G2E3: variants seen among roughly 807,000 people sequenced by gnomAD.
The protein encoded by G2E3 is G2/M phase-specific E3 ubiquitin-protein ligase.
Under a neutral mutation model 92.8 loss-of-function variants are expected in G2E3, and 35 were observed. The observed-to-expected ratio is 0.38, with a 90% CI of 0.29 to 0.50. G2E3 has a LOEUF of 0.50. G2E3 is among the 20% of genes least tolerant of loss of function. The pLI is 0.94. For synonymous variants in G2E3, 242 were observed against 272.4 expected (o/e 0.89, Z 1.10); for missense variants, 554 against 823.8 (o/e 0.67, Z 4.01).
chr14:30,560,066 A>C lies in G2E3; in HGVS notation c.-5+794A>C, dbSNP rs1024051152. On this transcript the variant is annotated intron_variant, in intron 1 of 14. Coordinates refer to ENST00000206595, the MANE Select transcript of G2E3 (RefSeq NM_017769.5). ...TATGGAGTCTTTTTGGAAGTAATCC[A>C]CTAATGCTTTGAGCATCTGTTTCTT... is the stretch of plus-strand genomic sequence containing the variant. 4 of 149,848 alleles carry C rather than the reference A, an allele frequency of 2.7e-5. No homozygotes were observed. The East Asian group carries it at 7.9e-4, about 30-fold the overall frequency. 9.3% of individuals were successfully genotyped at this position (149,848 alleles called of 1,614,324 possible). A position where few individuals can be genotyped will look rare whatever the true frequency, so the allele number is the denominator to read the frequency against.
intron 1 of G2E3, among the ~76,000 whole-genome samples, chr14:30,566,205 C>T (rs978146876): frequency 6.6e-6 from 1 of 152,154 alleles, no homozygotes; most frequent in Non-Finnish European, 1.5e-5. Context: ...AATCCTCCAA[C>T]TTTTTCTTTT....
In G2E3 at chr14:30,619,003, A is replaced by T. The variant is rs958986572; in HGVS notation, c.*2469A>T. On this transcript the variant is annotated 3_prime_UTR_variant, in exon 15 of 15. Coordinates refer to ENST00000206595, the MANE Select transcript of G2E3 (RefSeq NM_017769.5). ...GTTGAGGAAAACTATAAATTGATCT[A>T]TAATGCATCTACTGTTAATGGTTTT... The T allele has an allele frequency of 6.6e-6, 1 of 152,104 alleles. No homozygotes were observed. Among genetic ancestry groups the T allele is most frequent in the Non-Finnish European group, 1.5e-5 (1 of 67,944 alleles). The allele number at this position is 152,104 out of a possible 1,614,324, so 9.4% of individuals were successfully genotyped here.
intron 2 of G2E3, among the ~76,000 whole-genome samples, chr14:30,583,301 C>G (rs1468964645): frequency 6.6e-6 from 1 of 152,080 alleles, no homozygotes; most frequent in African/African-American, 2.4e-5. Context: ...TATGTCATAT[C>G]CTGTTAATTA....
intron 1 of G2E3, among the ~76,000 whole-genome samples, chr14:30,579,870 C>T (rs1159256048): frequency 6.6e-6 from 1 of 152,170 alleles, no homozygotes; most frequent in Non-Finnish European, 1.5e-5. Flanking sequence ...AGAGATTGCA[C>T]ATACATTGTA....
At chr14:30,615,611 T>C in intron 14 of G2E3, 72 bp downstream of exon 14, 1 of 953,366 alleles carries the variant, frequency 1.0e-6, no homozygotes. Context: ...GGGGGTTTTA[T>C]TTGTGTATGT....
At chr14:30,567,347 G>C (rs1419620257) in intron 1 of G2E3, among the ~76,000 whole-genome samples, 1 of 152,072 alleles carries the variant, frequency 6.6e-6, no homozygotes, top group Non-Finnish European at 1.5e-5. Flanking sequence ...TCTCTTGTTT[G>C]TAGATTTGTT....
At chr14:30,586,968 T>C (rs8005237) in intron 3 of G2E3, among the ~76,000 whole-genome samples, 153 bp downstream of exon 3, 12,473 of 152,240 alleles carry the variant, frequency 0.082, 1,684 homozygotes, top group African/African-American at 0.28. Context: ...TTTTTTGATA[T>C]TGAATTCTAA....
At chr14:30,561,466 CAG>C (rs1879094351) in intron 1 of G2E3, among the ~76,000 whole-genome samples, 1 of 152,176 alleles carries the variant, frequency 6.6e-6, no homozygotes, top group Admixed American at 6.5e-5. Context: ...CAGAGCCCTT[CAG>C]AGTCTGGTAC....
At position 30,607,757 on chromosome 14, in the gene G2E3, T is replaced by C; in HGVS notation, c.1319-131T>C. Reference sequence around the variant, plus strand: ...TATTTTAGGTAAGATCTATATTTTCTACATAATGATAGCTTCTAAGAATTA... The same window carrying C: ...TATTTTAGGTAAGATCTATATTTTCCACATAATGATAGCTTCTAAGAATTA... On this transcript the variant is annotated intron_variant, in intron 11 of 14. Coordinates refer to ENST00000206595, the MANE Select transcript of G2E3 (RefSeq NM_017769.5). 7.6e-6 allele frequency: 4 copies of C among 526,442 alleles called. No individual in the cohort carries two copies. The South Asian group carries it at 8.8e-5, about 12-fold the overall frequency. 32.6% of individuals were successfully genotyped at this position (526,442 alleles called of 1,614,324 possible).
At chr14:30,589,085 C>T (rs1441852081) in intron 3 of G2E3, among the ~76,000 whole-genome samples, 1 of 151,980 alleles carries the variant, frequency 6.6e-6, no homozygotes, top group Non-Finnish European at 1.5e-5. Context: ...CTCTAACCCA[C>T]CTAACCACTC....
intron 1 of G2E3, chr14:30,577,852 C>CA (rs1226629336): frequency 2.0e-5 from 3 of 152,172 alleles, no homozygotes; most frequent in Non-Finnish European, 2.9e-5. Flanking sequence ...TAGAGGTAAG[C>CA]AGTGGAGGAC....
intron 10 of G2E3, among the ~76,000 whole-genome samples, chr14:30,604,992 G>A (rs139554593): frequency 0.028 from 4,220 of 152,176 alleles, 94 homozygotes; most frequent in Non-Finnish European, 0.048. Context: ...TGCTTCCCGG[G>A]TTCAAGTGAT....
At position 30,618,399 on chromosome 14, in the gene G2E3, A is replaced by C. The variant is rs1354504534; in HGVS notation, c.*1865A>C. 3 of 152,060 alleles carry C rather than the reference A, an allele frequency of 2.0e-5. No individual in the cohort carries two copies. Among genetic ancestry groups the C allele is most frequent in the Non-Finnish European group, 2.9e-5 (2 of 67,944 alleles). The allele number at this position is 152,060 out of a possible 1,614,324, so 9.4% of individuals were successfully genotyped here. A position where few individuals can be genotyped will look rare whatever the true frequency, so the allele number is the denominator to read the frequency against. On this transcript the variant is annotated 3_prime_UTR_variant, in exon 15 of 15. Coordinates refer to ENST00000206595, the MANE Select transcript of G2E3 (RefSeq NM_017769.5). ...CACCTTATTTTTATTACAGCTAAAA[A>C]CCAATACAAACCAATAAAACCTAGT...
At chr14:30,564,420 A>G (rs1042973887) in intron 1 of G2E3, among the ~76,000 whole-genome samples, 5 of 152,086 alleles carry the variant, frequency 3.3e-5, no homozygotes, top group African/African-American at 4.8e-5. Context: ...GCAGCCTCCA[A>G]CTCTTGGACT....
chr14:30,577,237 A>G (rs979532569), intron 1 of G2E3, among the ~76,000 whole-genome samples: 7 of 151,558 alleles, frequency 4.6e-5, no homozygotes, highest in African/African-American at 7.3e-5. Flanking sequence ...AAAAAAAAAA[A>G]AAAAAAGAAA....
intron 1 of G2E3, chr14:30,574,555 T>G (rs1879961942): frequency 6.6e-6 from 1 of 152,128 alleles, no homozygotes. Flanking sequence ...AGTTATCTTT[T>G]CTGCTCCTCT....
At chr14:30,595,802 A>G (rs890638586) in intron 6 of G2E3, among the ~76,000 whole-genome samples, 4 of 152,184 alleles carry the variant, frequency 2.6e-5, no homozygotes, top group African/African-American at 9.7e-5. Flanking sequence ...ATTATTTGTA[A>G]CCACTACAAA....
At position 30,593,626 on chromosome 14, in the gene G2E3, G is replaced by A. The variant is rs1325393660; in HGVS notation, c.515G>A (p.Arg172Lys). The A allele has an allele frequency of 2.5e-6, 4 of 1,603,652 alleles. No homozygotes were observed. Among genetic ancestry groups the A allele is most frequent in the Non-Finnish European group, 3.4e-6 (4 of 1,171,348 alleles). ...SPCCKNAWFHRDCLQVQAINA... is the reference protein window; with the variant it reads ...SPCCKNAWFHKDCLQVQAINA... ...TGTTGTAAGAACGCTTGGTTTCATA[G>A]AGACTGTTTACAGGTAAGATACATA... Residue 172 changes from arginine to lysine, a missense_variant, in exon 6 of 15, where the codon AGA becomes AAA. This residue lies in a region of G2E3 where 20 missense variants were observed against 62.3 expected (regional missense o/e 0.32). Transcript: ENST00000206595.
intron 4 of G2E3, among the ~76,000 whole-genome samples, chr14:30,589,749 A>G (rs1474603825): frequency 6.6e-6 from 1 of 152,032 alleles, no homozygotes; most frequent in East Asian, 1.9e-4. Context: ...ATTGACCATC[A>G]GAATTATGAT....
Sources: allele counts gnomAD v4.1 joint callset (sites outside exome capture counted in the v4.1 genomes callset), GRCh38; gene constraint gnomAD v4.1.1; regional missense constraint gnomAD v4.1.1; transcripts MANE v1.5; gene names NCBI Gene and HGNC (gene_info 2026-07-23, HGNC 2026-07-21).